BAZ2B: variants seen among roughly 807,000 people sequenced by gnomAD.
BAZ2B encodes bromodomain adjacent to zinc finger domain 2B, also known as bromodomain adjacent to zinc finger domain protein 2B.
BAZ2B carries 91 observed loss-of-function variants against 246.0 expected under a neutral mutation model. The ratio of observed to expected loss-of-function variants is 0.37; its 90% CI spans 0.31 to 0.44. The LOEUF is 0.44. BAZ2B is among the 20% of genes least tolerant of loss of function. The pLI is 1.00. For missense variants in BAZ2B, 2,332 were observed against 2,533.7 expected (o/e 0.92, Z 1.71); for synonymous variants, 855 against 860.0 (o/e 0.99, Z 0.10).
chr2:159,639,902 A>G, the BAZ2B span, among the ~76,000 whole-genome samples: 1 of 152,146 alleles, frequency 6.6e-6, no homozygotes, highest in Non-Finnish European at 1.5e-5. Flanking sequence ...CAAAAGACAC[A>G]GAGTAGCTGA....
intron 32 of BAZ2B, 27 bp downstream of exon 32, chr2:159,337,540 G>A: frequency 6.2e-7 from 1 of 1,614,032 alleles, no homozygotes; most frequent in Non-Finnish European, 8.5e-7. Flanking sequence ...GATCTGAATG[G>A]TGGTACTTAA....
intron 2 of BAZ2B, among the ~76,000 whole-genome samples, chr2:159,515,696 C>T (rs982203443): frequency 6.6e-6 from 1 of 152,048 alleles, no homozygotes; most frequent in African/African-American, 2.4e-5. Context: ...CCCAAGACCA[C>T]AGATGGAGTG....
At chr2:159,499,198 C>A (rs1364783686) in intron 2 of BAZ2B, among the ~76,000 whole-genome samples, 9 of 152,158 alleles carry the variant, frequency 5.9e-5, no homozygotes, top group Non-Finnish European at 1.2e-4. Flanking sequence ...CTCCGACATG[C>A]ACCAGTGTGT....
chr2:159,689,775 C>G, the BAZ2B span: 1 of 506,922 alleles, frequency 2.0e-6, no homozygotes, highest in East Asian at 3.9e-5. Context: ...TTATTGACCA[C>G]TTCTTTCAAG....
intron 1 of BAZ2B, among the ~76,000 whole-genome samples, chr2:159,614,291 C>T (rs2151832040): frequency 7.5e-6 from 1 of 132,546 alleles, no homozygotes; most frequent in Non-Finnish European, 1.8e-5. Context: ...TTCATAATGG[C>T]TGACAAAGAG....
chr2:159,651,784 A>G, the BAZ2B span, among the ~76,000 whole-genome samples: 15 of 152,270 alleles, frequency 9.9e-5, no homozygotes, highest in South Asian at 2.9e-3. Flanking sequence ...TTTTATATAA[A>G]TGGAGCCATA....
intron 33 of BAZ2B, among the ~76,000 whole-genome samples, chr2:159,334,177 C>T (rs1354183694): frequency 6.6e-6 from 1 of 152,132 alleles, no homozygotes; most frequent in Non-Finnish European, 1.5e-5. Flanking sequence ...ATCTGTCTTA[C>T]ATCTCACACT....
At chr2:159,582,119 A>G (rs1686961042) in intron 1 of BAZ2B, among the ~76,000 whole-genome samples, 2 of 152,228 alleles carry the variant, frequency 1.3e-5, no homozygotes, top group Admixed American at 6.5e-5. Context: ...ACGTATTTAT[A>G]TATATTCACA....
At chr2:159,656,703 G>T in the BAZ2B span, among the ~76,000 whole-genome samples, 22 of 152,138 alleles carry the variant, frequency 1.4e-4, no homozygotes, top group African/African-American at 4.8e-4. Context: ...ATATTCCATT[G>T]TCTGGATGTA....
chr2:159,495,468 G>A (rs1254691511), intron 2 of BAZ2B, among the ~76,000 whole-genome samples: 1 of 102,990 alleles, frequency 9.7e-6, no homozygotes, highest in Non-Finnish European at 1.7e-5. Context: ...CTGGGCGACA[G>A]AGCGAGACTC....
At chr2:159,663,059 T>A in the BAZ2B span, among the ~76,000 whole-genome samples, 3 of 152,182 alleles carry the variant, frequency 2.0e-5, no homozygotes, top group Non-Finnish European at 4.4e-5. Flanking sequence ...AGATACAAGT[T>A]TCTTATTAAA....
At chr2:159,523,508 A>T (rs1403517392) in intron 2 of BAZ2B, among the ~76,000 whole-genome samples, 1 of 152,120 alleles carries the variant, frequency 6.6e-6, no homozygotes. Context: ...GTTCGAGACC[A>T]GCCTGGCCAA....
At chr2:159,579,110 C>T (rs189201048) in intron 1 of BAZ2B, among the ~76,000 whole-genome samples, 1 of 152,188 alleles carries the variant, frequency 6.6e-6, no homozygotes, top group African/African-American at 2.4e-5. Context: ...CAAAAAAACC[C>T]TTCAAAAAAT....
At chr2:159,461,601 G>T (rs769236458) in intron 3 of BAZ2B, 1 of 152,450 alleles carries the variant, frequency 6.6e-6, no homozygotes, top group African/African-American at 2.4e-5. Flanking sequence ...TTCAACATCT[G>T]CATTTTTCAA....
At chr2:159,669,018 T>C in the BAZ2B span, among the ~76,000 whole-genome samples, 6 of 151,962 alleles carry the variant, frequency 3.9e-5, no homozygotes, top group African/African-American at 1.2e-4. Context: ...ATCATGCCAC[T>C]TCATTCCAGT....
chr2:159,679,931 T>C, the BAZ2B span, among the ~76,000 whole-genome samples: 1 of 152,238 alleles, frequency 6.6e-6, no homozygotes, highest in Non-Finnish European at 1.5e-5. Context: ...CAGTAATTAC[T>C]ACATAATCAG....
At chr2:159,640,332 C>T in the BAZ2B span, among the ~76,000 whole-genome samples, 1 of 152,062 alleles carries the variant, frequency 6.6e-6, no homozygotes, top group Non-Finnish European at 1.5e-5. Flanking sequence ...ACTTAATCTG[C>T]TATACACAAA....
At chr2:159,517,031 G>A (rs570317217) in intron 2 of BAZ2B, among the ~76,000 whole-genome samples, 48 of 151,978 alleles carry the variant, frequency 3.2e-4, no homozygotes, top group Non-Finnish European at 6.2e-4. Context: ...ATAAATTTCT[G>A]AGTTATAATA....
the BAZ2B span, among the ~76,000 whole-genome samples, chr2:159,656,654 T>C: frequency 6.6e-6 from 1 of 152,154 alleles, no homozygotes; most frequent in African/African-American, 2.4e-5. Flanking sequence ...TCCATGTCTT[T>C]TCATTTCTTA....
Sources: gnomAD v4.1 joint callset for allele counts (sites outside exome capture counted in the v4.1 genomes callset) on GRCh38, gnomAD v4.1.1 for gene constraint, MANE v1.5 for transcripts, NCBI Gene and HGNC (gene_info 2026-07-23, HGNC 2026-07-21) for gene names.